CCNY: variants seen among roughly 807,000 people sequenced by gnomAD.
CCNY encodes the protein cyclin Y.
CCNY carries 19 observed loss-of-function variants against 42.8 expected under a neutral mutation model. The observed-to-expected ratio is 0.44, with a 90% confidence interval of 0.31 to 0.65. CCNY has a LOEUF of 0.65. Among genes scored for constraint, CCNY ranks in the 30% least tolerant of loss-of-function variants. The pLI is 0.07. For missense variants in CCNY, 370 were observed against 437.3 expected, an observed-to-expected ratio of 0.85 and a Z score of 1.37; for synonymous variants, 165 against 162.7, an observed-to-expected ratio of 1.01 and a Z score of -0.11.
At chr10:35,521,059 G>A (rs1299259049) in intron 4 of CCNY, among the ~76,000 whole-genome samples, 3 of 152,204 alleles carry the variant, frequency 2.0e-5, no homozygotes, top group Non-Finnish European at 4.4e-5. Context: ...CCCTTCAAAG[G>A]TTTTAGGATT....
Position 35,501,519 on chromosome 10 carries a change from G to A in CCNY, c.248G>A (p.Ser83Asn), listed in dbSNP as rs1564436512. The change falls in exon 3 of 10, where the codon AGT becomes AAT. Residue 83 changes from serine (S) to asparagine (N), a missense_variant. Ser to Asn is a conservative substitution (Grantham distance 46). Around this residue, in one of 2 missense-constraint regions of CCNY, gnomAD observed 136 missense variants for 124.2 expected, o/e 1.09. Transcript: ENST00000374704. ...TTCACAGTGAGAGAAAAACGCAAGA[G>A]TCTCTTCATTAACCATGTAAGTGAA... ...SQTDVREKRK[S>N]LFINHHPPGQ... 6.2e-7 allele frequency: 1 copy of A among 1,613,932 alleles called. No homozygotes were observed. The highest frequency in any genetic ancestry group is 2.2e-5 in the East Asian group (1 of 44,882).
At chr10:35,454,281 C>G (rs952275062) in intron 1 of CCNY, among the ~76,000 whole-genome samples, 15 of 152,212 alleles carry the variant, frequency 9.9e-5, no homozygotes, top group African/African-American at 3.6e-4. Context: ...GCATAGAAGC[C>G]GTTTCAGCTT....
intron 9 of CCNY, among the ~76,000 whole-genome samples, chr10:35,567,985 C>G (rs1841605196): frequency 6.6e-6 from 1 of 152,216 alleles, no homozygotes; most frequent in Non-Finnish European, 1.5e-5. Flanking sequence ...CTGGCTTTCC[C>G]TGAGAGCATG....
intron 1 of CCNY, among the ~76,000 whole-genome samples, chr10:35,396,848 A>C (rs1209084217): frequency 6.6e-6 from 1 of 152,200 alleles, no homozygotes; most frequent in Non-Finnish European, 1.5e-5. Flanking sequence ...CAGACTGTTC[A>C]GGCAGCCTTG....
intron 1 of CCNY, among the ~76,000 whole-genome samples, chr10:35,463,527 G>A (rs1259436993): frequency 6.6e-6 from 1 of 152,192 alleles, no homozygotes; most frequent in Admixed American, 6.5e-5. Context: ...GTAATAAATA[G>A]TGAAACTCTG....
At chr10:35,474,083 T>A (rs1839448947) in intron 1 of CCNY, among the ~76,000 whole-genome samples, 1 of 152,174 alleles carries the variant, frequency 6.6e-6, no homozygotes, top group Admixed American at 6.5e-5. Flanking sequence ...ACTGCGCTTT[T>A]CCAACGGGCT....
chr10:35,404,614 T>C (rs1389751690), intron 1 of CCNY, among the ~76,000 whole-genome samples: 2 of 152,114 alleles, frequency 1.3e-5, no homozygotes, highest in African/African-American at 4.8e-5. Context: ...TACCTTCCAC[T>C]GTAAGAGTTA....
At chr10:35,402,870 A>G (rs982729525) in intron 1 of CCNY, among the ~76,000 whole-genome samples, 2 of 152,160 alleles carry the variant, frequency 1.3e-5, no homozygotes, top group Non-Finnish European at 2.9e-5. Context: ...CTTGGGTAAT[A>G]TGACTAGTAA....
Position 35,522,317 on chromosome 10 carries a change from T to C in CCNY, c.366-3647T>C, listed in dbSNP as rs114481547. On this transcript the variant is annotated intron_variant, in intron 4 of 9. Coordinates refer to ENST00000374704, the MANE Select transcript of CCNY (RefSeq NM_145012.6). ...AGTTTCTGGGCCCCTGACTTATAAA[T>C]GTGGATCCAGAGATCCATCCACCTG... Among the ~76,000 whole-genome samples the C allele has an allele frequency of 6.3e-3, 960 of 152,334 alleles. 12 individuals carry two copies. Among genetic ancestry groups the C allele is most frequent in the African/African-American group, 0.022 (913 of 41,578 alleles).
At chr10:35,535,424 C>A (rs1400355043) in intron 7 of CCNY, among the ~76,000 whole-genome samples, 3 of 152,124 alleles carry the variant, frequency 2.0e-5, no homozygotes, top group Non-Finnish European at 4.4e-5. Flanking sequence ...AAACAGTTTG[C>A]TGTTTGATCA....
chr10:35,326,586 C>T (rs1040246848), intron 3 of CCNY, among the ~76,000 whole-genome samples: 1 of 152,166 alleles, frequency 6.6e-6, no homozygotes, highest in African/African-American at 2.4e-5. Flanking sequence ...TTCCAGGCTG[C>T]ACTTTTCCTG....
intron 1 of CCNY, among the ~76,000 whole-genome samples, chr10:35,426,665 C>T (rs1052116102): frequency 2.0e-5 from 3 of 152,216 alleles, no homozygotes; most frequent in Admixed American, 1.3e-4. Flanking sequence ...TGGAAATTCT[C>T]TGATGCTGAA....
chr10:35,424,034 C>T (rs1838214448), intron 1 of CCNY, among the ~76,000 whole-genome samples: 1 of 152,106 alleles, frequency 6.6e-6, no homozygotes, highest in African/African-American at 2.4e-5. Context: ...GGCTCTGTGG[C>T]CACACTGCCT....
At chr10:35,389,706 G>A (rs938006968) in intron 1 of CCNY, among the ~76,000 whole-genome samples, 1 of 151,984 alleles carries the variant, frequency 6.6e-6, no homozygotes, top group African/African-American at 2.4e-5. Flanking sequence ...CAAGGTGCTG[G>A]GATTACAAGC....
chr10:35,394,842 A>T (rs1345635097), intron 1 of CCNY: 1 of 985,188 alleles, frequency 1.0e-6, no homozygotes, highest in Non-Finnish European at 1.2e-6. Flanking sequence ...AAAGCAGGAG[A>T]AAGTGTTTCA....
chr10:35,280,530 A>G lies in CCNY; in HGVS notation c.-9+29904A>G, dbSNP rs538478900. Reference sequence around the variant, plus strand: ...AGGAAGAGTCTTTTCAACAAATGATACTGGGACAACTGAATAGCCACATGC... The same window carrying G: ...AGGAAGAGTCTTTTCAACAAATGATGCTGGGACAACTGAATAGCCACATGC... On this transcript the variant is annotated intron_variant, in intron 3 of 11. Transcript: ENST00000374706. 6.6e-5 allele frequency among the ~76,000 whole-genome samples: 10 copies of G among 152,230 alleles called. No homozygotes were observed. In the East Asian group the frequency reaches 1.7e-3, roughly 26 times the overall value.
chr10:35,501,366 G>A (rs1840107058), intron 2 of CCNY, 135 bp from the exon 3 acceptor site: 1 of 715,300 alleles, frequency 1.4e-6, no homozygotes, highest in Non-Finnish European at 2.6e-6. Flanking sequence ...GTATTCTTAT[G>A]TTTGATAAAT....
At chr10:35,349,736 C>T (rs1333305874) in intron 1 of CCNY, among the ~76,000 whole-genome samples, 1 of 152,120 alleles carries the variant, frequency 6.6e-6, no homozygotes, top group Non-Finnish European at 1.5e-5. Flanking sequence ...AGCGGCCTCC[C>T]ACCTCTGTCC....
At chr10:35,437,317 A>G (rs982403683) in intron 1 of CCNY, among the ~76,000 whole-genome samples, 4 of 152,198 alleles carry the variant, frequency 2.6e-5, no homozygotes, top group Non-Finnish European at 4.4e-5. Context: ...TTTGAAATCA[A>G]ATTTTTCCCT....
Sources: gnomAD v4.1 joint callset for allele counts (sites outside exome capture counted in the v4.1 genomes callset) on GRCh38, gnomAD v4.1.1 for gene constraint, gnomAD v4.1.1 regional missense constraint, MANE v1.5 for transcripts, NCBI Gene and HGNC (gene_info 2026-07-23, HGNC 2026-07-21) for gene names.